The following ATP8A2 variants were observed in gnomAD, a reference collection of about 807,000 sequenced individuals.
ATP8A2 encodes the protein phospholipid-transporting ATPase IB.
In ATP8A2, 100 loss-of-function variants were observed where a neutral mutation model predicts 165.6. The observed-to-expected ratio is 0.60, with a 90% CI of 0.51 to 0.71. The LOEUF is 0.71. ATP8A2 is among the 30% of genes least tolerant of loss of function. The pLI, the probability that ATP8A2 is intolerant of heterozygous loss-of-function variation, is 0.00. For missense variants in ATP8A2, 1,227 were observed against 1,479.5 expected (o/e 0.83, Z 2.80); for synonymous variants, 543 against 548.8 (o/e 0.99, Z 0.15).
intron 24 of ATP8A2, among the ~76,000 whole-genome samples, chr13:25,626,229 A>G (rs1028755313): frequency 1.3e-5 from 2 of 152,186 alleles, no homozygotes; most frequent in African/African-American, 4.8e-5. Context: ...ACAAAATGCC[A>G]CAGATTGGGG....
chr13:25,423,921 TC>T (rs1343547949), intron 1 of ATP8A2, among the ~76,000 whole-genome samples: 1 of 152,174 alleles, frequency 6.6e-6, no homozygotes, highest in African/African-American at 2.4e-5. Context: ...GTGAGTTGTG[TC>T]CACTGACAGC....
chr13:25,867,562 A>C (rs879362012), intron 33 of ATP8A2, among the ~76,000 whole-genome samples: 4 of 152,108 alleles, frequency 2.6e-5, no homozygotes, highest in Non-Finnish European at 5.9e-5. Context: ...TGGTTGTCCC[A>C]CATCCATCCT....
At chr13:25,898,647 G>T (rs1253989335) in intron 33 of ATP8A2, among the ~76,000 whole-genome samples, 4 of 152,218 alleles carry the variant, frequency 2.6e-5, no homozygotes, top group African/African-American at 9.6e-5. Context: ...AGGCAGGCAG[G>T]CCTCCTTGAG....
At chr13:25,544,910 GTT>G (rs5802339) in intron 10 of ATP8A2, among the ~76,000 whole-genome samples, 27 of 136,114 alleles carry the variant, frequency 2.0e-4, no homozygotes, top group South Asian at 2.4e-4. Flanking sequence ...TTATGAGTGA[GTT>G]TTTTTTTTTT....
chr13:25,914,464 C>A (rs922456201), intron 33 of ATP8A2, among the ~76,000 whole-genome samples: 4 of 152,208 alleles, frequency 2.6e-5, no homozygotes, highest in Non-Finnish European at 5.9e-5. Flanking sequence ...TACTGATGAG[C>A]ACCCTTATCC....
At chr13:25,741,277 A>G (rs2043905182) in intron 25 of ATP8A2, among the ~76,000 whole-genome samples, 1 of 152,210 alleles carries the variant, frequency 6.6e-6, no homozygotes, top group African/African-American at 2.4e-5. Flanking sequence ...AGACATCGGG[A>G]CTGATGATCT....
intron 35 of ATP8A2, among the ~76,000 whole-genome samples, chr13:25,994,874 A>C (rs998541217): frequency 6.6e-6 from 1 of 152,118 alleles, no homozygotes; most frequent in Non-Finnish European, 1.5e-5. Context: ...ATAGTATAAT[A>C]GTAGCTTCAT....
intron 33 of ATP8A2, among the ~76,000 whole-genome samples, chr13:25,885,638 T>C (rs1263741426): frequency 6.6e-6 from 1 of 152,216 alleles, no homozygotes; most frequent in Non-Finnish European, 1.5e-5. Flanking sequence ...AATTGCAGTG[T>C]CCTGCTGTTT....
intron 25 of ATP8A2, among the ~76,000 whole-genome samples, chr13:25,728,669 C>T (rs1286670071): frequency 1.3e-5 from 2 of 152,094 alleles, no homozygotes; most frequent in Admixed American, 1.3e-4. Flanking sequence ...GCAAGTGAAA[C>T]ACCCCAGGTT....
chr13:25,991,912 T>TG (rs948339822), intron 35 of ATP8A2, among the ~76,000 whole-genome samples: 2 of 9,106 alleles, frequency 2.2e-4, no homozygotes, highest in African/African-American at 4.6e-4. Context: ...TACTTTTAGG[T>TG]TTTTTTTTTT....
intron 2 of ATP8A2, among the ~76,000 whole-genome samples, chr13:25,514,694 C>T (rs2037408468): frequency 6.6e-6 from 1 of 152,150 alleles, no homozygotes; most frequent in Non-Finnish European, 1.5e-5. Flanking sequence ...ATTCCTAGCC[C>T]TGATTTCCTG....
intron 1 of ATP8A2, among the ~76,000 whole-genome samples, chr13:25,414,349 C>A (rs1205965135): frequency 6.6e-6 from 1 of 152,064 alleles, no homozygotes; most frequent in Non-Finnish European, 1.5e-5. Context: ...TGCCACCACA[C>A]TTGGCTAATT....
At chr13:25,425,794 T>C (rs1011046376) in intron 1 of ATP8A2, among the ~76,000 whole-genome samples, 2 of 152,318 alleles carry the variant, frequency 1.3e-5, no homozygotes, top group Middle Eastern at 6.8e-3. Context: ...GCCAGGATGG[T>C]CTCGATCTCC....
chr13:25,701,768 T>A (rs375618489), intron 25 of ATP8A2, among the ~76,000 whole-genome samples: 159 of 126,374 alleles, frequency 1.3e-3, no homozygotes, highest in African/African-American at 4.4e-3. Flanking sequence ...ACACACACAC[T>A]TTTTTCCCCT....
At chr13:25,575,327 G>A (rs1365897686) in intron 19 of ATP8A2, among the ~76,000 whole-genome samples, 1 of 152,168 alleles carries the variant, frequency 6.6e-6, no homozygotes, top group African/African-American at 2.4e-5. Flanking sequence ...AGTTTTCCTG[G>A]ACTTATTCGG....
chr13:25,444,637 T>G (rs926805131), intron 1 of ATP8A2, among the ~76,000 whole-genome samples: 3 of 147,370 alleles, frequency 2.0e-5, no homozygotes, highest in Admixed American at 6.7e-5. Flanking sequence ...AAGCATCTGT[T>G]TTTTTTTTTT....
intron 25 of ATP8A2, among the ~76,000 whole-genome samples, chr13:25,733,431 CTG>C (rs2043698085): frequency 6.6e-6 from 1 of 152,066 alleles, no homozygotes; most frequent in South Asian, 2.1e-4. Context: ...ATGCCCATAC[CTG>C]TGTGTGCATG....
chr13:25,488,369 C>T (rs140802816), intron 2 of ATP8A2, among the ~76,000 whole-genome samples: 91 of 152,220 alleles, frequency 6.0e-4, no homozygotes, highest in Middle Eastern at 3.4e-3. Context: ...ACTTTCTGTC[C>T]CTGTGTATTT....
chr13:25,810,617 C>A (rs1241624199), intron 27 of ATP8A2, among the ~76,000 whole-genome samples: 2 of 151,914 alleles, frequency 1.3e-5, no homozygotes, highest in Non-Finnish European at 2.9e-5. Context: ...TCCTTTCCAA[C>A]CTTACAGATA....
Sources: gnomAD v4.1 joint callset for allele counts (sites outside exome capture counted in the v4.1 genomes callset) on GRCh38, gnomAD v4.1.1 for gene constraint, MANE v1.5 for transcripts, NCBI Gene and HGNC (gene_info 2026-07-23, HGNC 2026-07-21) for gene names.